Variants in SNX25 observed in about 807,000 individuals in gnomAD.
The protein encoded by SNX25 is sorting nexin-25.
A neutral mutation model predicts 113.7 loss-of-function variants in SNX25; 62 were observed. The ratio of observed to expected loss-of-function variants is 0.55; its 90% confidence interval spans 0.44 to 0.67. The LOEUF is 0.67. Among genes scored for constraint, SNX25 ranks in the 30% least tolerant of loss-of-function variants. SNX25 has a pLI of 0.00. For missense variants in SNX25, 1,014 were observed against 1,161.0 expected (o/e 0.87, Z 1.84); for synonymous variants, 421 against 436.2 (o/e 0.97, Z 0.43).
chr4:185,207,013 G>A (rs1737215925), upstream of SNX25, among the ~76,000 whole-genome samples: 1 of 152,082 alleles, frequency 6.6e-6, no homozygotes, highest in Non-Finnish European at 1.5e-5. Flanking sequence ...CCAGCTTCAG[G>A]GCACAGAGGA....
At chr4:185,321,141 A>C (rs2095116421) in intron 8 of SNX25, among the ~76,000 whole-genome samples, 1 of 152,194 alleles carries the variant, frequency 6.6e-6, no homozygotes, top group Admixed American at 6.5e-5. Context: ...TTGTAAAAAG[A>C]CATATACATA....
chr4:185,261,290 C>T (rs1004531698), intron 3 of SNX25, among the ~76,000 whole-genome samples: 7 of 152,110 alleles, frequency 4.6e-5, no homozygotes, highest in African/African-American at 1.7e-4. Flanking sequence ...AATTCTTGTG[C>T]CTTAGCCCCC....
chr4:185,286,252 ACTACC>A (rs1016966486), intron 5 of SNX25, among the ~76,000 whole-genome samples: 1 of 152,102 alleles, frequency 6.6e-6, no homozygotes, highest in Non-Finnish European at 1.5e-5. Context: ...AGTAGCTAGG[ACTACC>A]GGCATGCATC....
chr4:185,256,467 A>G (rs1168874392), intron 2 of SNX25, among the ~76,000 whole-genome samples: 3 of 152,152 alleles, frequency 2.0e-5, no homozygotes, highest in African/African-American at 7.2e-5. Flanking sequence ...TCAACCATGA[A>G]AAAAGCCATC....
At chr4:185,366,461 A>C (rs1324785819), downstream of SNX25, 1 of 152,198 alleles carries the variant, frequency 6.6e-6, no homozygotes, top group Non-Finnish European at 1.5e-5. Context: ...CTTTGAGGGA[A>C]GATTTGGAGG....
intron 6 of SNX25, among the ~76,000 whole-genome samples, chr4:185,289,606 G>A (rs999914933): frequency 4.6e-5 from 7 of 152,192 alleles, no homozygotes; most frequent in Non-Finnish European, 8.8e-5. Context: ...TCTGAATGAG[G>A]ACGTCTTTAA....
intron 13 of SNX25, among the ~76,000 whole-genome samples, chr4:185,348,135 C>CT (rs572319799): frequency 1.2e-4 from 19 of 152,176 alleles, no homozygotes; most frequent in Admixed American, 5.9e-4. Context: ...ATAACAACCA[C>CT]TTTTTTTTCC....
At chr4:185,329,435 CA>C (rs1400413918) in intron 9 of SNX25, among the ~76,000 whole-genome samples, 1 of 152,048 alleles carries the variant, frequency 6.6e-6, no homozygotes, top group Non-Finnish European at 1.5e-5. Context: ...GACAGAGACC[CA>C]GCGTCCTCTT....
chr4:185,336,191 A>G (rs2126714029), intron 10 of SNX25, among the ~76,000 whole-genome samples: 1 of 152,276 alleles, frequency 6.6e-6, no homozygotes, highest in South Asian at 2.1e-4. Context: ...TTATTTCAAT[A>G]CGTTTTTAGG....
At chr4:185,301,981 C>T (rs571666329) in intron 6 of SNX25, among the ~76,000 whole-genome samples, 1 of 152,112 alleles carries the variant, frequency 6.6e-6, no homozygotes, top group South Asian at 2.1e-4. Flanking sequence ...CTCACTGCAA[C>T]CTCTGCCTCC....
At position 185,254,193 on chromosome 4, in the gene SNX25, C is replaced by CT. The variant is rs536224107; in HGVS notation, c.515-4645dup. Among the ~76,000 whole-genome samples, 130 of 149,338 alleles carry CT rather than the reference C, an allele frequency of 8.7e-4. 1 individual carries two copies. Among genetic ancestry groups the CT allele is most frequent in the South Asian group, 8.3e-3 (39 of 4,698 alleles). The stretch of plus-strand genomic sequence containing the variant: ...CTCCCAGTGACATGCAATATGTATA[C>CT]TTTTTTTTTTGTTGGATAAATACAT... On this transcript the variant is annotated intron_variant, in intron 2 of 18. Transcript: ENST00000652585.
Position 185,334,987 on chromosome 4 carries a change from C to T in SNX25, c.1914+2228C>T, listed in dbSNP as rs555993151. ...GAAGAAGACATAGTCCTCCTTTTGT[C>T]GTTTACTTATGTTGGTAAAAAATTA... On this transcript the variant is annotated intron_variant, in intron 10 of 18. Transcript: ENST00000652585. This position sits in a 1 kb window ranked among gnomAD's most constrained non-coding sequence, Gnocchi z 4.2. 1.3e-5 allele frequency among the ~76,000 whole-genome samples: 2 copies of T among 152,190 alleles called. No homozygotes were observed. Among genetic ancestry groups the T allele is most frequent in the South Asian group, 4.2e-4 (2 of 4,810 alleles).
At chr4:185,240,205 T>C (rs549828255) in intron 1 of SNX25, among the ~76,000 whole-genome samples, 1 of 152,116 alleles carries the variant, frequency 6.6e-6, no homozygotes, top group Admixed American at 6.5e-5. Flanking sequence ...TTTCTCAGTC[T>C]TTTCCCCACC....
intron 1 of SNX25, among the ~76,000 whole-genome samples, chr4:185,214,959 G>C (rs1030312229): frequency 1.3e-5 from 2 of 152,156 alleles, no homozygotes; most frequent in African/African-American, 4.8e-5. Context: ...GGCCTGGCGC[G>C]GTGTCTCACG....
chr4:185,373,459 G>A (rs1579980325), downstream of SNX25, among the ~76,000 whole-genome samples: 2 of 152,198 alleles, frequency 1.3e-5, no homozygotes, highest in South Asian at 2.1e-4. Flanking sequence ...GGGAGAGTTC[G>A]AGCTCCCGGT....
intron 7 of SNX25, among the ~76,000 whole-genome samples, chr4:185,313,296 G>A (rs527948328): frequency 1.6e-4 from 24 of 152,274 alleles, no homozygotes; most frequent in South Asian, 8.3e-4. Context: ...AATAGACTTC[G>A]GAACAGGAAG....
chr4:185,230,566 A>ATT (rs879518195), intron 1 of SNX25, among the ~76,000 whole-genome samples: 1 of 143,718 alleles, frequency 7.0e-6, no homozygotes, highest in African/African-American at 2.6e-5. Flanking sequence ...CTAATTTTGT[A>ATT]TTTTTTTTTT....
rs1489689829 is a variant in SNX25, at chr4:185,209,634, C to A, written c.-193C>A. The A allele has an allele frequency of 7.8e-6, 5 of 645,070 alleles. No individual in the cohort carries two copies. Among genetic ancestry groups the A allele is most frequent in the Non-Finnish European group, 9.6e-6 (5 of 518,920 alleles). 40.0% of individuals were successfully genotyped at this position (645,070 alleles called of 1,614,324 possible). ...GGTGGGGCTCCCTGGCTGCGCCCGG[C>A]CCGGCAGCTACGGGCCCAGCGCCTG... On this transcript the variant is annotated 5_prime_UTR_variant, in exon 1 of 19. Transcript: ENST00000652585. This position sits in a 1 kb window ranked among gnomAD's most constrained non-coding sequence, Gnocchi z 5.2.
chr4:185,268,878 A>G (rs1346858683), intron 5 of SNX25, among the ~76,000 whole-genome samples: 1 of 152,214 alleles, frequency 6.6e-6, no homozygotes, highest in Non-Finnish European at 1.5e-5. Context: ...ACAAATATAT[A>G]CTCAAATATA....
Sources: allele counts gnomAD v4.1 joint callset (sites outside exome capture counted in the v4.1 genomes callset), GRCh38; gene constraint gnomAD v4.1.1; non-coding constraint Gnocchi (gnomAD v3.1); transcripts MANE v1.5; gene names NCBI Gene and HGNC (gene_info 2026-07-23, HGNC 2026-07-21).